The following ART3 variants were observed in gnomAD, a reference collection of about 807,000 sequenced individuals.
ART3 encodes the protein ecto-ADP-ribosyltransferase 3.
Under a neutral mutation model 48.5 loss-of-function variants are expected in ART3, and 49 were observed. The ratio of observed to expected loss-of-function variants is 1.01; its 90% CI spans 0.80 to 1.28. The LOEUF (loss-of-function observed/expected upper bound fraction) is 1.28, where lower values mean the gene tolerates loss of function less well. Among genes scored for constraint, ART3 ranks in the 50% most tolerant of loss-of-function variants. ART3 has a pLI of 0.00. For synonymous variants in ART3, 145 were observed against 157.2 expected, an observed-to-expected ratio of 0.92 and a Z score of 0.58; for missense variants, 438 against 454.3, an observed-to-expected ratio of 0.96 and a Z score of 0.33.
At chr4:76,031,024 A>G (rs1046088659) in intron 1 of ART3, among the ~76,000 whole-genome samples, 1 of 152,086 alleles carries the variant, frequency 6.6e-6, no homozygotes, top group Non-Finnish European at 1.5e-5. Context: ...GTAATATATA[A>G]TTACTATAAT....
At chr4:76,058,317 A>G (rs945186513) in intron 1 of ART3, among the ~76,000 whole-genome samples, 19 of 152,192 alleles carry the variant, frequency 1.2e-4, no homozygotes, top group African/African-American at 4.6e-4. Context: ...AACATGAATT[A>G]CTATACATTA....
At chr4:76,090,790 A>T (rs534964320) in intron 3 of ART3, among the ~76,000 whole-genome samples, 1 of 152,238 alleles carries the variant, frequency 6.6e-6, no homozygotes, top group African/African-American at 2.4e-5. Context: ...AGTAAAATTT[A>T]GTAAGTTTTG....
intron 8 of ART3, 107 bp from the exon 9 acceptor site, chr4:76,103,829 CT>C (rs33952924): frequency 0.11 from 79,109 of 750,158 alleles, 1 homozygote; most frequent in South Asian, 0.11. Context: ...TTCCCCCTGC[CT>C]TTTTTTTTTT....
chr4:76,105,889 G>A (rs1230812665), intron 10 of ART3: 1 of 985,290 alleles, frequency 1.0e-6, no homozygotes, highest in Non-Finnish European at 1.2e-6. Flanking sequence ...TCCAAGAACT[G>A]TGAATGAGGA....
At chr4:76,073,586 A>C (rs1371093872), upstream of ART3, among the ~76,000 whole-genome samples, 2 of 152,214 alleles carry the variant, frequency 1.3e-5, no homozygotes, top group Admixed American at 1.3e-4. Context: ...AAAAAAACAC[A>C]TATCATAAGT....
At chr4:76,104,739 T>C in intron 10 of ART3, 110 bp downstream of exon 10, 13 of 1,300,532 alleles carry the variant, frequency 1.0e-5, no homozygotes, top group East Asian at 2.5e-5. Context: ...CTATCAAATG[T>C]AGCCATCAGT....
rs1213362534 is a variant in ART3 at position 76,081,943 on chromosome 4, C to A, written c.189C>A (p.His63Gln). ...TGCTAAAGGAGGAAAAAGCAAGCCA[C>A]CAGCAATTAGATACTGTGTGGGAAA... ...PQLLKEEKAS[H>Q]QQLDTVWENA... Residue 63 changes from histidine to glutamine, a missense_variant, in exon 3 of 12, where the codon CAC (histidine) becomes CAA (glutamine). His to Gln is a conservative substitution (Grantham distance 24). Around this residue, in one of 3 missense-constraint regions of ART3, gnomAD observed 206 missense variants for 205.3 expected, o/e 1.00. Transcript: ENST00000355810. The A allele has an allele frequency of 6.2e-7, 1 of 1,614,142 alleles. No homozygotes were observed. Among genetic ancestry groups the A allele is most frequent in the African/African-American group, 1.3e-5 (1 of 75,020 alleles).
intron 1 of ART3, among the ~76,000 whole-genome samples, chr4:76,052,719 T>TTTTC (rs1560599843): frequency 9.1e-5 from 9 of 98,448 alleles, no homozygotes; most frequent in East Asian, 2.3e-4. Context: ...TTTTTCCTTC[T>TTTTC]TTTTTTTTTT....
chr4:76,052,379 A>G (rs1246117516), intron 1 of ART3, among the ~76,000 whole-genome samples: 1 of 152,190 alleles, frequency 6.6e-6, no homozygotes, highest in African/African-American at 2.4e-5. Flanking sequence ...AATAAGGGCC[A>G]GTTTTCAGTG....
intron 8 of ART3, among the ~76,000 whole-genome samples, chr4:76,102,433 GA>G (rs1318664562): frequency 1.3e-5 from 2 of 152,128 alleles, no homozygotes; most frequent in African/African-American, 2.4e-5. Context: ...GCCTTCTGCA[GA>G]AACTTAGTCT....
At chr4:76,035,911 A>G in intron 1 of ART3, 1 of 1,609,748 alleles carries the variant, frequency 6.2e-7, no homozygotes, top group Non-Finnish European at 8.5e-7. Context: ...GTTGAGAAAT[A>G]AAAATTACTG....
At chr4:76,068,088 A>G (rs553317137) in intron 1 of ART3, among the ~76,000 whole-genome samples, 6 of 152,152 alleles carry the variant, frequency 3.9e-5, no homozygotes, top group Non-Finnish European at 7.4e-5. Context: ...GGATACATAT[A>G]TATCTGGGGG....
chr4:76,102,798 T>C (rs879514535), intron 8 of ART3, among the ~76,000 whole-genome samples: 1 of 152,124 alleles, frequency 6.6e-6, no homozygotes, highest in Admixed American at 6.6e-5. Context: ...ATTTTCTGTA[T>C]TTTTCCAAAT....
At position 76,046,940 on chromosome 4, in the gene ART3, A is replaced by G. The variant is rs547148250; in HGVS notation, c.-9-28941A>G. Among the ~76,000 whole-genome samples the G allele has an allele frequency of 3.9e-4, 57 of 147,864 alleles. 2 individuals are homozygous for G. The highest frequency in any genetic ancestry group is 3.7e-3 in the Admixed American group (54 of 14,534). ...CGCGCCAGTGTCCAGGAGGAAGGCAATTTCCTGGCCCTCAATAGTTAAACA... is the reference window on the plus strand; with the variant it reads ...CGCGCCAGTGTCCAGGAGGAAGGCAGTTTCCTGGCCCTCAATAGTTAAACA... On this transcript the variant is annotated intron_variant, in intron 1 of 9. Coordinates refer to the ART3 transcript ENST00000341029.
At chr4:76,070,746 C>G (rs1160486050), upstream of ART3, among the ~76,000 whole-genome samples, 1 of 152,132 alleles carries the variant, frequency 6.6e-6, no homozygotes, top group African/African-American at 2.4e-5. Context: ...TTCTTCAAGT[C>G]TCTGTCACTT....
At chr4:76,036,018 C>CTGCTACTTCAGCTT in intron 1 of ART3, 2 of 1,609,538 alleles carry the variant, frequency 1.2e-6, no homozygotes, top group African/African-American at 2.7e-5. Flanking sequence ...GCTGGTGCTG[C>CTGCTACTTCAGCTT]TGCTGCTACT....
chr4:76,022,075 T>C, intron 1 of ART3: 1 of 935,178 alleles, frequency 1.1e-6, no homozygotes. Context: ...GCATTCATTA[T>C]GGATTATAGG....
chr4:76,104,304 G>A, intron 9 of ART3: 3 of 963,544 alleles, frequency 3.1e-6, no homozygotes, highest in Non-Finnish European at 3.7e-6. Flanking sequence ...TTACGCACAA[G>A]TTGACTGTTA....
At chr4:76,079,202 G>A (rs1257566459) in intron 2 of ART3, among the ~76,000 whole-genome samples, 7 of 151,294 alleles carry the variant, frequency 4.6e-5, no homozygotes, top group African/African-American at 1.7e-4. Flanking sequence ...AAAGGCGGGG[G>A]GCTAATAATA....
Sources: allele counts gnomAD v4.1 joint callset (sites outside exome capture counted in the v4.1 genomes callset), GRCh38; gene constraint gnomAD v4.1.1; regional missense constraint gnomAD v4.1.1; transcripts MANE v1.5; gene names NCBI Gene and HGNC (gene_info 2026-07-23, HGNC 2026-07-21).